Variants in TMEM74 observed in about 807,000 individuals in gnomAD.
The protein encoded by TMEM74 is transmembrane protein 74.
A neutral mutation model predicts 18.1 loss-of-function variants in TMEM74; 13 were observed. That is an observed-to-expected ratio of 0.72 (90% CI 0.47 to 1.14). The LOEUF is 1.14. Ranked by LOEUF, TMEM74 falls within the 50% of genes most tolerant of loss-of-function variation. TMEM74 has a pLI of 0.00. For missense variants in TMEM74, 372 were observed against 375.9 expected (o/e 0.99, Z 0.09); for synonymous variants, 159 against 146.6 (o/e 1.08, Z -0.61).
intron 2 of TMEM74, among the ~76,000 whole-genome samples, chr8:108,643,553 C>A (rs1222538534): frequency 2.6e-5 from 4 of 151,644 alleles, no homozygotes; most frequent in Non-Finnish European, 5.9e-5. Context: ...AACTAAGGGG[C>A]CTTTTGTAAA....
At chr8:108,636,905 G>C (rs1024295634) in intron 2 of TMEM74, among the ~76,000 whole-genome samples, 2 of 152,052 alleles carry the variant, frequency 1.3e-5, no homozygotes, top group African/African-American at 4.8e-5. Context: ...GGAAAGGAAA[G>C]TTTGTCTCAG....
intron 1 of TMEM74, among the ~76,000 whole-genome samples, chr8:108,769,670 T>C (rs1437377688): frequency 1.3e-5 from 2 of 152,148 alleles, no homozygotes. Flanking sequence ...GTCATTCCAC[T>C]TTTTCCCTTT....
Position 108,779,648 on chromosome 8 carries a change from T to C in TMEM74, c.*4533A>G, listed in dbSNP as rs1444668660. On this transcript the variant is annotated 3_prime_UTR_variant, in exon 2 of 2. Transcript: ENST00000297459. Reference sequence around the variant, plus strand: ...TCATTCATGACTTGTGAAAGACTTCTCTTCTTCTTAATGTCAATAGTAAGG... The same window carrying C: ...TCATTCATGACTTGTGAAAGACTTCCCTTCTTCTTAATGTCAATAGTAAGG... Among the ~76,000 whole-genome samples the C allele has an allele frequency of 6.6e-6, 1 of 152,194 alleles. No homozygotes were observed. The highest frequency in any genetic ancestry group is 1.9e-4 in the East Asian group (1 of 5,200).
chr8:108,768,206 T>C (rs1241050745), intron 1 of TMEM74, among the ~76,000 whole-genome samples: 1 of 152,162 alleles, frequency 6.6e-6, no homozygotes, highest in Non-Finnish European at 1.5e-5. Context: ...AAGCTTTCCA[T>C]ACCTTGGCTA....
At chr8:108,755,617 A>G (rs1190196727) in intron 1 of TMEM74, among the ~76,000 whole-genome samples, 1 of 152,074 alleles carries the variant, frequency 6.6e-6, no homozygotes, top group African/African-American at 2.4e-5. Flanking sequence ...AACTCATCCA[A>G]ATCAATCTCA....
chr8:108,708,318 A>G (rs1813438287), intron 1 of TMEM74, among the ~76,000 whole-genome samples: 1 of 145,412 alleles, frequency 6.9e-6, no homozygotes, highest in Non-Finnish European at 1.5e-5. Context: ...TGTCTTTGGT[A>G]TTGTGAATAG....
intron 1 of TMEM74, among the ~76,000 whole-genome samples, chr8:108,755,906 AG>A (rs1213089645): frequency 6.6e-6 from 1 of 152,080 alleles, no homozygotes; most frequent in Non-Finnish European, 1.5e-5. Context: ...GAGAAGAAAA[AG>A]CATATTATCA....
At chr8:108,751,030 G>A (rs534821211) in intron 1 of TMEM74, among the ~76,000 whole-genome samples, 1 of 152,050 alleles carries the variant, frequency 6.6e-6, no homozygotes, top group African/African-American at 2.4e-5. Flanking sequence ...GATTGCTACC[G>A]ACCCGTATGG....
intron 2 of TMEM74, among the ~76,000 whole-genome samples, chr8:108,616,034 C>T (rs1196658855): frequency 1.3e-5 from 2 of 152,050 alleles, no homozygotes; most frequent in Non-Finnish European, 2.9e-5. Context: ...ATCCGCCTGC[C>T]CTGGCCTCCC....
intron 1 of TMEM74, among the ~76,000 whole-genome samples, chr8:108,657,857 A>AT (rs1462679909): frequency 0.027 from 1,674 of 61,250 alleles, 47 homozygotes; most frequent in East Asian, 0.1. Context: ...AAAAAAAAAA[A>AT]AAATATATAT....
chr8:108,692,433 C>T (rs959653005), intron 1 of TMEM74, among the ~76,000 whole-genome samples: 1 of 152,160 alleles, frequency 6.6e-6, no homozygotes, highest in African/African-American at 2.4e-5. Flanking sequence ...CCATTTTGTT[C>T]TCTTTCCAGT....
chr8:108,667,832 T>C (rs1812964550), intron 1 of TMEM74, among the ~76,000 whole-genome samples: 1 of 152,152 alleles, frequency 6.6e-6, no homozygotes, highest in South Asian at 2.1e-4. Flanking sequence ...GATTTCAGCA[T>C]TCTGCTCTCT....
downstream of TMEM74, among the ~76,000 whole-genome samples, chr8:108,774,442 C>A (rs1370988271): frequency 6.6e-6 from 1 of 152,184 alleles, no homozygotes; most frequent in Non-Finnish European, 1.5e-5. Flanking sequence ...AGACAGCCCC[C>A]CAAACCAGGC....
At chr8:108,661,957 A>G (rs1812904104) in intron 1 of TMEM74, among the ~76,000 whole-genome samples, 1 of 152,164 alleles carries the variant, frequency 6.6e-6, no homozygotes. Flanking sequence ...GGATGATACA[A>G]CTATAAGCAT....
In TMEM74 at chr8:108,781,149, T is replaced by C. The variant is rs1420162699; in HGVS notation, c.*3032A>G. Among the ~76,000 whole-genome samples the C allele has an allele frequency of 6.6e-6, 1 of 152,112 alleles. No individual in the cohort carries two copies. The highest frequency in any genetic ancestry group is 1.5e-5 in the Non-Finnish European group (1 of 68,016). On this transcript the variant is annotated 3_prime_UTR_variant, in exon 2 of 2. Coordinates refer to ENST00000297459, the MANE Select transcript of TMEM74 (RefSeq NM_153015.3). ...TCTTGAGTTTAGATTTCTAAAACCA[T>C]GTAAATAAGCTAAAGACCTAGAACC...
At chr8:108,693,628 T>C (rs901308491) in intron 1 of TMEM74, among the ~76,000 whole-genome samples, 1 of 152,234 alleles carries the variant, frequency 6.6e-6, no homozygotes, top group Admixed American at 6.5e-5. Context: ...TGTTACCAAA[T>C]GCCTTCCTAA....
chr8:108,666,030 G>T (rs1418194683), intron 1 of TMEM74, among the ~76,000 whole-genome samples: 1 of 152,118 alleles, frequency 6.6e-6, no homozygotes, highest in East Asian at 1.9e-4. Context: ...TTGCCTTGAT[G>T]TTGAATAGAA....
At position 108,652,713 on chromosome 8, in the gene TMEM74, A is replaced by C; in HGVS notation, n.264+2580T>G. On this transcript the variant is annotated intron_variant and non_coding_transcript_variant, in intron 2 of 3. Transcript: ENST00000518838. ...CCCCTAACACAGCAAATATTTTCTG[A>C]GATCTCTAAGCAAAGAGATTCTTTT... 3 of 545,470 alleles carry C rather than the reference A, an allele frequency of 5.5e-6. No individual in the cohort carries two copies. In the South Asian group the frequency reaches 5.9e-5, roughly 11 times the overall value. 33.8% of individuals were successfully genotyped at this position (545,470 alleles called of 1,614,324 possible).
At chr8:108,747,078 A>C (rs924799367) in intron 1 of TMEM74, among the ~76,000 whole-genome samples, 2 of 152,148 alleles carry the variant, frequency 1.3e-5, no homozygotes, top group Admixed American at 1.3e-4. Flanking sequence ...CACAGTCAGG[A>C]GCACATGTCA....
Sources: allele counts gnomAD v4.1 joint callset (sites outside exome capture counted in the v4.1 genomes callset), GRCh38; gene constraint gnomAD v4.1.1; transcripts MANE v1.5; gene names NCBI Gene and HGNC (gene_info 2026-07-23, HGNC 2026-07-21).